The following FANCB variants were observed in gnomAD, a reference collection of about 807,000 sequenced individuals.
The protein encoded by FANCB is Fanconi anemia group B protein.
A neutral mutation model predicts 38.9 loss-of-function variants in FANCB; 5 were observed. That is an observed-to-expected ratio of 0.13 (90% confidence interval 0.07 to 0.27). FANCB has a LOEUF of 0.27. FANCB is among the 10% of genes least tolerant of loss of function. The pLI is 1.00. For missense variants in FANCB, 573 were observed against 602.7 expected, an observed-to-expected ratio of 0.95 and a Z score of 0.52; for synonymous variants, 236 against 215.4, an observed-to-expected ratio of 1.10 and a Z score of -0.84.
chrX:14,690,866 T>C, the FANCB span: 41 of 1,206,760 alleles, frequency 3.4e-5, no homozygotes, highest in Non-Finnish European at 4.3e-5. Context: ...TAAGGTATGA[T>C]TGCCCCTCAG....
chrX:14,866,031 T>C (rs2092468402), intron 2 of FANCB, among the ~76,000 whole-genome samples: 1 of 111,782 alleles, frequency 8.9e-6, no homozygotes, highest in Non-Finnish European at 1.9e-5. Flanking sequence ...AATACGTTGA[T>C]TTTCAATTAT....
At chrX:14,787,346 GAGT>G in the FANCB span, among the ~76,000 whole-genome samples, 5 of 110,092 alleles carry the variant, frequency 4.5e-5, no homozygotes, top group Admixed American at 4.9e-4. Flanking sequence ...AACTCATACA[GAGT>G]AGAATGGTAG....
chrX:14,707,145 G>A, the FANCB span, among the ~76,000 whole-genome samples: 3 of 111,613 alleles, frequency 2.7e-5, no homozygotes, highest in Admixed American at 9.5e-5. Flanking sequence ...TTGAATTCCC[G>A]TCCTCTTAAT....
chrX:14,834,699 G>A, downstream of FANCB: 6 of 723,627 alleles, frequency 8.3e-6, no homozygotes, highest in South Asian at 1.3e-4. Flanking sequence ...TTATCTTGGT[G>A]TTGATGATGG....
chrX:14,771,140 A>G, the FANCB span, among the ~76,000 whole-genome samples: 1 of 111,062 alleles, frequency 9.0e-6, no homozygotes, highest in African/African-American at 3.3e-5. Flanking sequence ...GGAGTATCTT[A>G]GTGGGGTTCT....
At chrX:14,758,908 G>A in the FANCB span, among the ~76,000 whole-genome samples, 2 of 99,803 alleles carry the variant, frequency 2.0e-5, no homozygotes, top group African/African-American at 8.4e-5. Flanking sequence ...GAATTCAGAA[G>A]ATTGATTATT....
downstream of FANCB, chrX:14,835,857 A>G (rs1309614085): frequency 8.9e-6 from 1 of 112,529 alleles, no homozygotes; most frequent in African/African-American, 3.2e-5. Flanking sequence ...TATTAAAAAT[A>G]GTACAGAGGT....
the FANCB span, among the ~76,000 whole-genome samples, chrX:14,813,865 C>T: frequency 9.0e-6 from 1 of 111,532 alleles, no homozygotes; most frequent in South Asian, 3.7e-4. Context: ...CCTGCATTGC[C>T]AAGACAATCC....
At chrX:14,707,544 G>A in the FANCB span, among the ~76,000 whole-genome samples, 2 of 107,594 alleles carry the variant, frequency 1.9e-5, no homozygotes, top group African/African-American at 6.7e-5. Context: ...GAACCTGATA[G>A]GTAGTTTTTT....
At chrX:14,863,029 T>C (rs983622921) in intron 3 of FANCB, among the ~76,000 whole-genome samples, 2 of 112,423 alleles carry the variant, frequency 1.8e-5, no homozygotes, top group South Asian at 7.3e-4. Context: ...GCTTTCAAGA[T>C]AAAATAGGAT....
the FANCB span, among the ~76,000 whole-genome samples, chrX:14,755,574 T>C: frequency 9.0e-6 from 1 of 111,135 alleles, no homozygotes; most frequent in Non-Finnish European, 1.9e-5. Context: ...ATAAGATACA[T>C]GGGAATAAAT....
chrX:14,787,789 G>A, the FANCB span, among the ~76,000 whole-genome samples: 6 of 100,524 alleles, frequency 6.0e-5, no homozygotes, highest in African/African-American at 1.1e-4. Context: ...TGAAACAGAC[G>A]TGACTTAGAC....
the FANCB span, among the ~76,000 whole-genome samples, chrX:14,793,104 A>G: frequency 1.7e-4 from 19 of 112,247 alleles, no homozygotes; most frequent in Admixed American, 1.9e-4. Flanking sequence ...AAGCCAAGCA[A>G]TTGAATTTTT....
chrX:14,822,070 G>GAGGATT, the FANCB span, among the ~76,000 whole-genome samples: 1 of 111,516 alleles, frequency 9.0e-6, no homozygotes, highest in Non-Finnish European at 1.9e-5. Context: ...AGACTAGAGT[G>GAGGATT]CAAGAGGATT....
At chrX:14,809,553 T>C in the FANCB span, among the ~76,000 whole-genome samples, 1 of 111,978 alleles carries the variant, frequency 8.9e-6, no homozygotes, top group Non-Finnish European at 1.9e-5. Context: ...CGGAGGGTCC[T>C]ACGCCCACGG....
chrX:14,787,943 G>T, the FANCB span, among the ~76,000 whole-genome samples: 1 of 88,046 alleles, frequency 1.1e-5, no homozygotes, highest in Non-Finnish European at 2.2e-5. Context: ...ATAAAACTGA[G>T]ATCCAGTGAG....
the FANCB span, among the ~76,000 whole-genome samples, chrX:14,724,245 A>T: frequency 5.4e-5 from 6 of 111,561 alleles, no homozygotes; most frequent in East Asian, 1.7e-3. Context: ...AATTCCAAAA[A>T]ATCAGAGACT....
In FANCB at chrX:14,850,505, A is replaced by G. The variant is rs935080919; in HGVS notation, c.1496T>C (p.Leu499Pro). Residue 499 changes from leucine to proline, a missense_variant and splice_region_variant, in exon 7 of 10, where the codon CTG becomes CCG. Coordinates refer to ENST00000650831, the MANE Select transcript of FANCB (RefSeq NM_001018113.3). ...VGVKTTSSLKLSLNDVTLSLL... is the reference protein window; with the variant it reads ...VGVKTTSSLKPSLNDVTLSLL... ...TGTTATCATGTTGGAATTTACTTAC[A>G]GCTTCAAAGAAGATGTAGTTTTCAC... 1.7e-6 allele frequency: 2 copies of G among 1,194,510 alleles called. No individual in the cohort carries two copies. Among genetic ancestry groups the G allele is most frequent in the African/African-American group, 3.5e-5 (2 of 56,953 alleles).
chrX:14,832,506 CATAA>C (rs1050555175), downstream of FANCB, among the ~76,000 whole-genome samples: 9 of 111,582 alleles, frequency 8.1e-5, no homozygotes, highest in African/African-American at 2.0e-4. Flanking sequence ...TAATTCAACC[CATAA>C]ATAAATGCCT....
Sources: gnomAD v4.1 joint callset for allele counts (sites outside exome capture counted in the v4.1 genomes callset) on GRCh38, gnomAD v4.1.1 for gene constraint, MANE v1.5 for transcripts, NCBI Gene and HGNC (gene_info 2026-07-23, HGNC 2026-07-21) for gene names.